WDR41: variants seen among roughly 807,000 people sequenced by gnomAD.
The protein encoded by WDR41 is WD repeat domain 41, also known as WD repeat-containing protein 41.
A neutral mutation model predicts 69.3 loss-of-function variants in WDR41; 63 were observed. That is an observed-to-expected ratio of 0.91 (90% CI 0.74 to 1.12). WDR41 has a LOEUF of 1.12. Ranked by LOEUF, WDR41 falls within the 50% of genes most tolerant of loss-of-function variation. The pLI is 0.00. For synonymous variants in WDR41, 185 were observed against 192.1 expected, an observed-to-expected ratio of 0.96 and a Z score of 0.31; for missense variants, 543 against 534.5, an observed-to-expected ratio of 1.02 and a Z score of -0.16.
chr5:77,448,100 A>G (rs1330641446), intron 8 of WDR41, among the ~76,000 whole-genome samples: 1 of 152,144 alleles, frequency 6.6e-6, no homozygotes, highest in Non-Finnish European at 1.5e-5. Context: ...TCATCCTATC[A>G]TCTTCATTTA....
rs367950510 is a variant in WDR41 at position 77,542,871 on chromosome 5, G to A, written c.43-53299C>T. ...ATGAATCAGGAAACCTGAGAGGACC[G>A]GCAGACCCCCTGATGGAAGTGGATT... On this transcript the variant is annotated intron_variant, in intron 1 of 5. Transcript: ENST00000509971. Among the ~76,000 whole-genome samples the A allele has an allele frequency of 2.6e-4, 39 of 152,236 alleles. No individual in the cohort carries two copies. In the East Asian group the frequency reaches 5.0e-3, roughly 20 times the overall value.
chr5:77,434,781 A>G (rs1798875327), intron 12 of WDR41, among the ~76,000 whole-genome samples: 1 of 152,156 alleles, frequency 6.6e-6, no homozygotes, highest in Non-Finnish European at 1.5e-5. Context: ...ATGCTTTTTA[A>G]AAGTGTTCAG....
intron 2 of WDR41, among the ~76,000 whole-genome samples, chr5:77,471,775 G>A (rs530973487): frequency 1.2e-4 from 18 of 152,174 alleles, no homozygotes; most frequent in South Asian, 2.1e-4. Flanking sequence ...TGAAATTGAC[G>A]CAATAATTAA....
intron 6 of WDR41, 48 bp from the exon 7 acceptor site, chr5:77,451,401 A>G (rs1799623193): frequency 6.4e-7 from 1 of 1,566,648 alleles, no homozygotes; most frequent in South Asian, 1.1e-5. Flanking sequence ...CTCACAGATT[A>G]TATCAAAAAC....
chr5:77,492,493 C>T, upstream of WDR41: 1 of 404,776 alleles, frequency 2.5e-6, no homozygotes, highest in Non-Finnish European at 4.4e-6. Flanking sequence ...TTGCGGGGCG[C>T]GCGCTGCTCC....
intron 1 of WDR41, among the ~76,000 whole-genome samples, chr5:77,563,082 C>T (rs754200075): frequency 1.3e-5 from 2 of 152,070 alleles, no homozygotes; most frequent in Non-Finnish European, 2.9e-5. Context: ...CCTTCCCTAG[C>T]GCTCAATACA....
intron 2 of WDR41, among the ~76,000 whole-genome samples, chr5:77,483,799 T>A (rs77084422): frequency 0.054 from 8,153 of 152,220 alleles, 694 homozygotes; most frequent in African/African-American, 0.18. Context: ...CCCTTTTATT[T>A]ACCGATTTTC....
chr5:77,597,927 G>A (rs772182548), intron 1 of WDR41, among the ~76,000 whole-genome samples: 111 of 152,114 alleles, frequency 7.3e-4, no homozygotes, highest in African/African-American at 2.5e-3. Flanking sequence ...TGGGAAATAC[G>A]CCACATTTGG....
rs1801840397 is a variant in WDR41, at chr5:77,492,276, C to G, written c.-56G>C. The G allele has an allele frequency of 6.2e-7, 1 of 1,604,454 alleles. No individual in the cohort carries two copies. Among genetic ancestry groups the G allele is most frequent in the Admixed American group, 1.7e-5 (1 of 59,212 alleles). ...GCCCCAGTCAGCCCAAACTCCGCCC[C>G]AGGCTCGGCCTCCTCCTTCCTCCCC... On this transcript the variant is annotated 5_prime_UTR_variant, in exon 1 of 13. Coordinates refer to ENST00000296679, the MANE Select transcript of WDR41 (RefSeq NM_018268.4).
At chr5:77,441,479 A>G (rs2151292425) in intron 8 of WDR41, among the ~76,000 whole-genome samples, 1 of 152,108 alleles carries the variant, frequency 6.6e-6, no homozygotes, top group East Asian at 1.9e-4. Context: ...GGACCGGGCG[A>G]GGTAATCCCA....
chr5:77,521,927 G>A (rs1317161017), intron 1 of WDR41, among the ~76,000 whole-genome samples: 2 of 152,152 alleles, frequency 1.3e-5, no homozygotes, highest in Non-Finnish European at 2.9e-5. Context: ...TTAAGCCGTA[G>A]GTCTTTAGTC....
chr5:77,526,651 T>A (rs750427913), intron 1 of WDR41, among the ~76,000 whole-genome samples: 2 of 152,106 alleles, frequency 1.3e-5, no homozygotes, highest in Non-Finnish European at 2.9e-5. Context: ...CAGATATCCT[T>A]CCTGCTTTTT....
At chr5:77,493,368 A>G (rs147424642), upstream of WDR41, among the ~76,000 whole-genome samples, 40 of 152,352 alleles carry the variant, frequency 2.6e-4, no homozygotes, top group African/African-American at 8.7e-4. Flanking sequence ...TTCAGCAAAC[A>G]TGTATTGGAC....
intron 1 of WDR41, among the ~76,000 whole-genome samples, chr5:77,524,340 C>A (rs923241329): frequency 6.6e-6 from 1 of 152,132 alleles, no homozygotes; most frequent in South Asian, 2.1e-4. Context: ...GTAATCCCAG[C>A]ACTTTGGGAG....
intron 1 of WDR41, among the ~76,000 whole-genome samples, chr5:77,497,541 C>T (rs1801951525): frequency 6.6e-6 from 1 of 152,152 alleles, no homozygotes; most frequent in African/African-American, 2.4e-5. Flanking sequence ...ATCAAAACCA[C>T]AATGGCATGC....
chr5:77,559,798 A>G (rs1344209728), intron 1 of WDR41, among the ~76,000 whole-genome samples: 1 of 152,152 alleles, frequency 6.6e-6, no homozygotes, highest in Admixed American at 6.5e-5. Context: ...ATTCAATCAC[A>G]GCCATGCTAC....
At chr5:77,491,948 T>G in intron 1 of WDR41, 3 of 538,206 alleles carry the variant, frequency 5.6e-6, no homozygotes, top group South Asian at 2.6e-5. Flanking sequence ...GGGCCGGGGG[T>G]CTGCAGCTCC....
intron 1 of WDR41, among the ~76,000 whole-genome samples, chr5:77,553,795 G>A (rs1198899649): frequency 6.6e-6 from 1 of 152,122 alleles, no homozygotes; most frequent in Non-Finnish European, 1.5e-5. Flanking sequence ...ACCACCAAAT[G>A]CTGGCAAGGA....
intron 1 of WDR41, among the ~76,000 whole-genome samples, chr5:77,490,099 AT>A (rs988385032): frequency 1.2e-4 from 13 of 110,324 alleles, no homozygotes; most frequent in South Asian, 3.2e-4. Flanking sequence ...GGGCTAGAGA[AT>A]TTTTTTTTTT....
Sources: gnomAD v4.1 joint callset for allele counts (sites outside exome capture counted in the v4.1 genomes callset) on GRCh38, gnomAD v4.1.1 for gene constraint, MANE v1.5 for transcripts, NCBI Gene and HGNC (gene_info 2026-07-23, HGNC 2026-07-21) for gene names.